Variants in BCAR1 observed in about 807,000 individuals in gnomAD.
The protein encoded by BCAR1 is BCAR1 scaffold protein, Cas family member.
BCAR1 carries 30 observed loss-of-function variants against 67.6 expected under a neutral mutation model. The observed-to-expected ratio is 0.44, with a 90% CI of 0.33 to 0.60. The LOEUF (loss-of-function observed/expected upper bound fraction) is 0.60. Ranked by LOEUF, BCAR1 falls within the 20% of genes least tolerant of loss-of-function variation. BCAR1 has a pLI of 0.02. For synonymous variants in BCAR1, 626 were observed against 556.7 expected (o/e 1.12, Z -1.75); for missense variants, 1,313 against 1,222.3 (o/e 1.07, Z -1.11).
chr16:75,245,525 C>A (rs2077487260), intron 1 of BCAR1, among the ~76,000 whole-genome samples: 1 of 152,202 alleles, frequency 6.6e-6, no homozygotes, highest in Non-Finnish European at 1.5e-5. Context: ...AAGGGCCCTG[C>A]AGGGAGGGAA....
rs1435764762 is a variant in BCAR1, at chr16:75,229,270, G to GC, written c.*240dup. ...AGCCCCGTCTGGTGACCCAACCCGGGCCCGTGGTGCATGCTGGGGAAGGCC... is the reference window on the plus strand; with the variant it reads ...AGCCCCGTCTGGTGACCCAACCCGGGCCCCGTGGTGCATGCTGGGGAAGGCC... On this transcript the variant is annotated 3_prime_UTR_variant, in exon 7 of 7. Transcript: ENST00000162330. 1.7e-6 allele frequency: 1 copy of GC among 573,292 alleles called. No individual in the cohort carries two copies. The highest frequency in any genetic ancestry group is 1.9e-5 in the African/African-American group (1 of 52,988). 35.5% of individuals were successfully genotyped at this position (573,292 alleles called of 1,614,324 possible).
At chr16:75,236,666 A>G in intron 4 of BCAR1, 1 of 926,152 alleles carries the variant, frequency 1.1e-6, no homozygotes, top group Non-Finnish European at 1.5e-6. Flanking sequence ...GCTCATGGAG[A>G]AGGCCTCGCA....
chr16:75,266,131 T>A, intron 1 of BCAR1: 1 of 732,490 alleles, frequency 1.4e-6, no homozygotes, highest in Non-Finnish European at 1.7e-6. Context: ...CCTCCGCTCC[T>A]CGCCGATCCC....
intron 2 of BCAR1, among the ~76,000 whole-genome samples, chr16:75,240,088 C>T (rs771980921): frequency 2.0e-5 from 3 of 152,192 alleles, no homozygotes; most frequent in Non-Finnish European, 4.4e-5. Context: ...CCATACGGGC[C>T]ACCAGGCTCC....
At position 75,237,213 on chromosome 16, in the gene BCAR1, C is replaced by T. The variant is rs373815362; in HGVS notation, c.765G>A (p.Arg255=). 6.4e-6 allele frequency: 10 copies of T among 1,568,868 alleles called. No individual in the cohort carries two copies. The African/African-American group carries it at 1.4e-4, about 21-fold the overall frequency. The change falls in exon 3 of 7, where the codon CGG becomes CGA. Residue 255 remains arginine, a synonymous_variant. Transcript: ENST00000162330. ...GGCCATACTGGCTGGGAAGCAGCCC[C>T]CGAACCGGGGGCACATCATAGATGT... ...PQDIYDVPPV[R]GLLPSQYGQE...
exon 1 of BCAR1, chr16:75,267,948 G>A: frequency 6.2e-7 from 1 of 1,603,458 alleles, no homozygotes; most frequent in Non-Finnish European, 8.5e-7. Flanking sequence ...TGGGCCTGGG[G>A]GCAGCCAGAG....
chr16:75,263,779 C>T (rs2077952911), intron 1 of BCAR1: 5 of 987,168 alleles, frequency 5.1e-6, no homozygotes, highest in Non-Finnish European at 4.8e-6. Flanking sequence ...GCAGTCGCCA[C>T]TCTGGGTTCC....
At chr16:75,261,685 G>C (rs1044951466) in intron 1 of BCAR1, among the ~76,000 whole-genome samples, 1 of 152,344 alleles carries the variant, frequency 6.6e-6, no homozygotes, top group South Asian at 2.1e-4. Context: ...AAGAGGCCAG[G>C]GTCCTGCAGG....
intron 1 of BCAR1, chr16:75,264,745 C>T: frequency 1.1e-6 from 1 of 937,290 alleles, no homozygotes; most frequent in South Asian, 5.4e-5. Context: ...TGCCAGAAAG[C>T]CCCCACTGCC....
intron 6 of BCAR1, among the ~76,000 whole-genome samples, chr16:75,232,505 T>C (rs1413108622): frequency 1.3e-5 from 2 of 152,074 alleles, no homozygotes; most frequent in South Asian, 4.1e-4. Flanking sequence ...CTACGTGGCC[T>C]GGCTGGTCTC....
upstream of BCAR1, among the ~76,000 whole-genome samples, chr16:75,253,420 A>C (rs80016807): frequency 0.013 from 2,022 of 152,238 alleles, 50 homozygotes; most frequent in African/African-American, 0.046. Context: ...AGGACACAAA[A>C]GGCCTGGCCC....
In BCAR1 at chr16:75,234,865, C is replaced by T. The variant is rs529896838; in HGVS notation, c.2010+24G>A. 128 of 1,518,668 alleles carry T rather than the reference C, an allele frequency of 8.4e-5. 1 individual carries two copies. The South Asian group carries it at 9.8e-4, about 12-fold the overall frequency. The allele number at this position is 1,518,668 out of a possible 1,614,324, so 94.1% of individuals were successfully genotyped here. A position where few individuals can be genotyped will look rare whatever the true frequency, so the allele number is the denominator to read the frequency against. Reference sequence around the variant, plus strand: ...GAGCCCAGCGTGGCAGAAGAGGAGCCGGGGCTGGGCAGGCGGCACCCACCT... The same window carrying T: ...GAGCCCAGCGTGGCAGAAGAGGAGCTGGGGCTGGGCAGGCGGCACCCACCT... On this transcript the variant is annotated intron_variant, in intron 5 of 6. Coordinates refer to ENST00000162330, the MANE Select transcript of BCAR1 (RefSeq NM_014567.5).
At chr16:75,241,658 C>A (rs1241778887) in intron 2 of BCAR1, among the ~76,000 whole-genome samples, 1 of 152,218 alleles carries the variant, frequency 6.6e-6, no homozygotes, top group African/African-American at 2.4e-5. Flanking sequence ...CCGCCAACGA[C>A]CTCCGGCCAT....
chr16:75,245,786 C>T (rs1013163709), intron 1 of BCAR1, among the ~76,000 whole-genome samples: 2 of 152,046 alleles, frequency 1.3e-5, no homozygotes, highest in Non-Finnish European at 2.9e-5. Flanking sequence ...TGGCCAGGGC[C>T]CCCGCCTCTC....
intron 5 of BCAR1, among the ~76,000 whole-genome samples, chr16:75,234,586 G>A (rs1214613324): frequency 6.6e-6 from 1 of 152,170 alleles, no homozygotes; most frequent in African/African-American, 2.4e-5. Flanking sequence ...ACCACCTCCT[G>A]CTGCTCCCCC....
chr16:75,261,814 C>T (rs1007972990), intron 1 of BCAR1, among the ~76,000 whole-genome samples: 2 of 152,340 alleles, frequency 1.3e-5, no homozygotes, highest in Non-Finnish European at 2.9e-5. Context: ...CAGCCTGGGT[C>T]CAGCCCAGCC....
intron 2 of BCAR1, among the ~76,000 whole-genome samples, chr16:75,241,320 G>A (rs1161227211): frequency 1.3e-5 from 2 of 152,152 alleles, no homozygotes; most frequent in Non-Finnish European, 2.9e-5. Flanking sequence ...GTGTGTGTTC[G>A]TGCATATGGT....
At chr16:75,250,555 G>T in intron 1 of BCAR1, 1 of 825,438 alleles carries the variant, frequency 1.2e-6, no homozygotes, top group Non-Finnish European at 1.5e-6. Flanking sequence ...GGAGCCTTGT[G>T]GTAGAAAAGG....
At position 75,228,892 on chromosome 16, in the gene BCAR1, GTTCC is replaced by G. The variant is rs1327470231; in HGVS notation, c.*615_*618del. 6.6e-6 allele frequency: 1 copy of G among 152,352 alleles called. No individual in the cohort carries two copies. The highest frequency in any genetic ancestry group is 2.4e-5 in the African/African-American group (1 of 41,460). 9.4% of individuals were successfully genotyped at this position (152,352 alleles called of 1,614,324 possible). A position where few individuals can be genotyped will look rare whatever the true frequency, so the allele number is the denominator to read the frequency against. ...CCTCCAGGAGACACCCAGCCTCGGC[GTTCC>G]TTGGTTTTCTTCTAGAGAGACCCAC... On this transcript the variant is annotated 3_prime_UTR_variant, in exon 7 of 7. Coordinates refer to ENST00000162330, the MANE Select transcript of BCAR1 (RefSeq NM_014567.5).
Sources: gnomAD v4.1 joint callset for allele counts (sites outside exome capture counted in the v4.1 genomes callset) on GRCh38, gnomAD v4.1.1 for gene constraint, MANE v1.5 for transcripts, NCBI Gene and HGNC (gene_info 2026-07-23, HGNC 2026-07-21) for gene names.